Variants in RNLS observed in about 807,000 individuals in gnomAD.
The protein encoded by RNLS is renalase.
RNLS carries 39 observed loss-of-function variants against 39.8 expected under a neutral mutation model. That is an observed-to-expected ratio of 0.98 (90% CI 0.76 to 1.28). The LOEUF is 1.28. RNLS is among the 50% of genes most tolerant of loss of function. The pLI is 0.00. For missense variants in RNLS, 410 were observed against 413.3 expected (o/e 0.99, Z 0.07); for synonymous variants, 147 against 150.7 (o/e 0.98, Z 0.18).
chr10:88,536,855 A>G lies in RNLS; in HGVS notation c.526+36048T>C, dbSNP rs564975364. Among the ~76,000 whole-genome samples, 11 of 152,274 alleles carry G rather than the reference A, an allele frequency of 7.2e-5. No individual in the cohort carries two copies. The South Asian group carries it at 2.1e-3, about 29-fold the overall frequency. On this transcript the variant is annotated intron_variant, in intron 4 of 6. Transcript: ENST00000331772. ...CTTACCTTTACTTTGTTTTAAATCC[A>G]AAACACCTGGCATTACAGTCAATAT...
In RNLS at chr10:88,358,621, C is replaced by A. The variant is rs533111623; in HGVS notation, c.700+3931G>T. On this transcript the variant is annotated intron_variant, in intron 5 of 6. Transcript: ENST00000331772. ...CAAGGAAATAGTGTTCCACTGAACA[C>A]ATTTTGGGAAACACAAACAAGGATA... Among the ~76,000 whole-genome samples, 3 of 152,310 alleles carry A rather than the reference C, an allele frequency of 2.0e-5. No individual in the cohort carries two copies. The East Asian group carries it at 5.8e-4, about 29-fold the overall frequency.
intron 6 of RNLS, among the ~76,000 whole-genome samples, chr10:88,303,234 G>C (rs969299749): frequency 1.3e-5 from 2 of 152,244 alleles, no homozygotes; most frequent in Non-Finnish European, 2.9e-5. Context: ...GCCAGCTGAT[G>C]TGGAGCCCAG....
At chr10:88,317,012 A>G (rs769338153) in intron 5 of RNLS, among the ~76,000 whole-genome samples, 3 of 152,208 alleles carry the variant, frequency 2.0e-5, no homozygotes, top group Non-Finnish European at 2.9e-5. Flanking sequence ...AATAGGATCT[A>G]GAGCATAAAT....
chr10:88,557,036 T>C (rs1848911799), intron 4 of RNLS, among the ~76,000 whole-genome samples: 1 of 152,018 alleles, frequency 6.6e-6, no homozygotes, highest in South Asian at 2.1e-4. Flanking sequence ...ATAGTAGATG[T>C]TCAATATCTG....
At position 88,284,770 on chromosome 10, in the gene RNLS, G is replaced by T; in HGVS notation, c.*584C>A. 1 of 985,300 alleles carries T rather than the reference G, an allele frequency of 1.0e-6. No individual in the cohort carries two copies. Among genetic ancestry groups the T allele is most frequent in the Non-Finnish European group, 1.2e-6 (1 of 829,902 alleles). The allele number at this position is 985,300 out of a possible 1,614,324, so 61.0% of individuals were successfully genotyped here. Reference sequence around the variant, plus strand: ...TATACTTTCTGAAAATCTGAAGGAAGGTCTCTTTATCAGTCAAGTTGCCCT... The same window carrying T: ...TATACTTTCTGAAAATCTGAAGGAATGTCTCTTTATCAGTCAAGTTGCCCT... On this transcript the variant is annotated 3_prime_UTR_variant, in exon 7 of 7. Coordinates refer to ENST00000331772, the MANE Select transcript of RNLS (RefSeq NM_001031709.3).
chr10:88,453,507 A>G (rs563218473), intron 4 of RNLS, among the ~76,000 whole-genome samples: 6 of 152,262 alleles, frequency 3.9e-5, no homozygotes, highest in Non-Finnish European at 7.3e-5. Flanking sequence ...CTTCAGCCCA[A>G]TCCAGTTTCT....
At chr10:88,338,847 C>T (rs949499746) in intron 5 of RNLS, among the ~76,000 whole-genome samples, 11 of 151,378 alleles carry the variant, frequency 7.3e-5, no homozygotes, top group Non-Finnish European at 1.5e-4. Flanking sequence ...CTGCAAGCTC[C>T]GCCTCCCGGG....
At chr10:88,574,539 C>T (rs1850042045) in intron 3 of RNLS, among the ~76,000 whole-genome samples, 1 of 152,222 alleles carries the variant, frequency 6.6e-6, no homozygotes, top group Non-Finnish European at 1.5e-5. Flanking sequence ...TAATAATACT[C>T]AAGGCTCCTT....
intron 4 of RNLS, among the ~76,000 whole-genome samples, chr10:88,369,305 G>T (rs1367801236): frequency 1.3e-5 from 2 of 152,096 alleles, no homozygotes; most frequent in African/African-American, 4.8e-5. Flanking sequence ...TCTCTGCTTT[G>T]ATCTGTGCCC....
intron 4 of RNLS, among the ~76,000 whole-genome samples, chr10:88,484,087 T>G (rs1189866732): frequency 6.6e-6 from 1 of 152,086 alleles, no homozygotes; most frequent in East Asian, 1.9e-4. Flanking sequence ...ATAACTCATA[T>G]CAAGTCTTTG....
intron 4 of RNLS, among the ~76,000 whole-genome samples, chr10:88,386,225 G>A (rs1005356169): frequency 6.6e-6 from 1 of 152,180 alleles, no homozygotes; most frequent in African/African-American, 2.4e-5. Context: ...CATGTTATCA[G>A]AAAAGCTACT....
the RNLS span, among the ~76,000 whole-genome samples, chr10:88,262,885 T>C: frequency 6.6e-6 from 1 of 152,184 alleles, no homozygotes; most frequent in African/African-American, 2.4e-5. Context: ...ATGATTGTTA[T>C]ACTTCATTCT....
chr10:88,532,639 T>C (rs546907576), intron 4 of RNLS, among the ~76,000 whole-genome samples: 2 of 152,174 alleles, frequency 1.3e-5, no homozygotes, highest in South Asian at 2.1e-4. Context: ...AGATATGTAC[T>C]CAAACAGTTA....
intron 4 of RNLS, among the ~76,000 whole-genome samples, chr10:88,564,281 A>C (rs1465071405): frequency 6.6e-6 from 1 of 151,830 alleles, no homozygotes; most frequent in Non-Finnish European, 1.5e-5. Flanking sequence ...AGAGAAGCTC[A>C]ACATTGTGTT....
intron 4 of RNLS, among the ~76,000 whole-genome samples, chr10:88,463,120 T>C (rs1298829056): frequency 6.6e-6 from 1 of 151,970 alleles, no homozygotes; most frequent in Non-Finnish European, 1.5e-5. Context: ...ATGGGTTGGA[T>C]CTATATATTG....
the RNLS span, among the ~76,000 whole-genome samples, chr10:88,223,910 A>T: frequency 1.3e-5 from 2 of 152,168 alleles, no homozygotes; most frequent in African/African-American, 4.8e-5. Flanking sequence ...AGCCAATCAG[A>T]TCCCTTCTTT....
chr10:88,277,565 A>G (rs1483279045), intron 6 of RNLS, among the ~76,000 whole-genome samples: 1 of 152,320 alleles, frequency 6.6e-6, no homozygotes, highest in East Asian at 1.9e-4. Flanking sequence ...ATTTTGGCAT[A>G]CAGAAGAGTT....
At chr10:88,421,103 C>G (rs566964240) in intron 4 of RNLS, among the ~76,000 whole-genome samples, 5 of 152,308 alleles carry the variant, frequency 3.3e-5, no homozygotes, top group East Asian at 1.9e-4. Context: ...CAGGAACAAG[C>G]CTATCACTCT....
chr10:88,406,992 A>C (rs556463935), intron 4 of RNLS, among the ~76,000 whole-genome samples: 1 of 152,212 alleles, frequency 6.6e-6, no homozygotes, highest in Admixed American at 6.6e-5. Context: ...TGTGGGAGCT[A>C]AGCTATAAGG....
Sources: allele counts gnomAD v4.1 joint callset (sites outside exome capture counted in the v4.1 genomes callset), GRCh38; gene constraint gnomAD v4.1.1; transcripts MANE v1.5; gene names NCBI Gene and HGNC (gene_info 2026-07-23, HGNC 2026-07-21).